The following DLGAP1 variants were observed in gnomAD, a reference collection of about 807,000 sequenced individuals.
DLGAP1 encodes DLG associated protein 1.
In DLGAP1, 11 loss-of-function variants were observed where a neutral mutation model predicts 90.8. The ratio of observed to expected loss-of-function variants is 0.12; its 90% confidence interval spans 0.08 to 0.20. The LOEUF (loss-of-function observed/expected upper bound fraction) is 0.20, where lower values mean the gene tolerates loss of function less well. Ranked by LOEUF, DLGAP1 falls within the 10% of genes least tolerant of loss-of-function variation. The pLI, the probability that DLGAP1 is intolerant of heterozygous loss-of-function variation, is 1.00. For missense variants in DLGAP1, 1,050 were observed against 1,333.8 expected, an observed-to-expected ratio of 0.79 and a Z score of 3.31; for synonymous variants, 558 against 540.7, an observed-to-expected ratio of 1.03 and a Z score of -0.44.
At position 3,742,375 on chromosome 18, in the gene DLGAP1, C is replaced by T; in HGVS notation, c.1310G>A (p.Arg437Lys). 1 of 1,614,130 alleles carries T rather than the reference C, an allele frequency of 6.2e-7. No individual in the cohort carries two copies. Among genetic ancestry groups the T allele is most frequent in the Non-Finnish European group, 8.5e-7 (1 of 1,180,014 alleles). Residue 437 changes from arginine (R) to lysine (K), a missense_variant, in exon 6 of 13, where the codon AGG becomes AAG. Arg to Lys is a conservative substitution (Grantham distance 26). Transcript: ENST00000315677. ...GLLTSPKFRSRNESYMRAMST... is the reference protein window; with the variant it reads ...GLLTSPKFRSKNESYMRAMST... ...CATGGCTCGCATGTAGCTCTCATTCCTGGAGCGGAACTTTGGTGATGTGAG... is the reference window on the plus strand; with the variant it reads ...CATGGCTCGCATGTAGCTCTCATTCTTGGAGCGGAACTTTGGTGATGTGAG...
At chr18:3,515,941 C>T (rs2050819405) in intron 10 of DLGAP1, among the ~76,000 whole-genome samples, 1 of 152,166 alleles carries the variant, frequency 6.6e-6, no homozygotes, top group African/African-American at 2.4e-5. Context: ...ACTTTCTTGG[C>T]TCATCCATAA....
intron 2 of DLGAP1, among the ~76,000 whole-genome samples, chr18:4,015,044 T>C (rs906308334): frequency 2.0e-5 from 3 of 152,168 alleles, no homozygotes; most frequent in African/African-American, 7.2e-5. Flanking sequence ...GCTCACCTTT[T>C]AGTGAAAGCT....
chr18:3,893,268 T>C (rs1040429457), intron 3 of DLGAP1, among the ~76,000 whole-genome samples: 4 of 152,116 alleles, frequency 2.6e-5, no homozygotes, highest in Non-Finnish European at 5.9e-5. Flanking sequence ...ATGGTGTATA[T>C]ATACCACATT....
intron 2 of DLGAP1, among the ~76,000 whole-genome samples, chr18:4,150,399 C>G (rs2076655522): frequency 6.6e-6 from 1 of 151,226 alleles, no homozygotes; most frequent in Admixed American, 6.6e-5. Context: ...GTTTTCTTTT[C>G]TTTTTTTTTG....
chr18:3,609,679 C>A (rs1311558085), intron 7 of DLGAP1, among the ~76,000 whole-genome samples: 1 of 151,970 alleles, frequency 6.6e-6, no homozygotes, highest in Non-Finnish European at 1.5e-5. Flanking sequence ...GAGTGTTCCA[C>A]TTACCCTGTG....
intron 7 of DLGAP1, among the ~76,000 whole-genome samples, chr18:3,674,284 C>T (rs2060205312): frequency 1.3e-5 from 1 of 75,172 alleles, no homozygotes; most frequent in Non-Finnish European, 2.5e-5. Context: ...GATCTTGTCT[C>T]TATAATATTA....
chr18:4,340,504 T>C (rs956657466), intron 1 of DLGAP1, among the ~76,000 whole-genome samples: 1 of 152,182 alleles, frequency 6.6e-6, no homozygotes, highest in African/African-American at 2.4e-5. Flanking sequence ...ACACTCTTAG[T>C]AACAGCAACA....
chr18:3,568,901 T>C (rs1393239907), intron 8 of DLGAP1, among the ~76,000 whole-genome samples: 1 of 151,794 alleles, frequency 6.6e-6, no homozygotes, highest in East Asian at 1.9e-4. Context: ...TTAGCCAGGA[T>C]GGTCTCGATC....
chr18:3,501,015 A>G (rs977778628), intron 12 of DLGAP1, among the ~76,000 whole-genome samples: 1 of 152,062 alleles, frequency 6.6e-6, no homozygotes, highest in African/African-American at 2.4e-5. Context: ...TCCGAGTTCA[A>G]GCAATCCTCC....
chr18:3,644,949 A>G (rs986131860), intron 7 of DLGAP1, among the ~76,000 whole-genome samples: 2 of 146,560 alleles, frequency 1.4e-5, no homozygotes, highest in Admixed American at 6.6e-5. Flanking sequence ...TCCTTTGGGT[A>G]AAAAAGGGGA....
At chr18:4,433,005 T>A (rs1030455836) in intron 1 of DLGAP1, among the ~76,000 whole-genome samples, 10 of 152,154 alleles carry the variant, frequency 6.6e-5, no homozygotes, top group Non-Finnish European at 1.2e-4. Flanking sequence ...CACCCTAGGA[T>A]ATAAATTTTT....
chr18:3,797,400 C>G (rs982351505), intron 5 of DLGAP1, among the ~76,000 whole-genome samples: 12 of 151,990 alleles, frequency 7.9e-5, no homozygotes, highest in Non-Finnish European at 1.0e-4. Flanking sequence ...GAGGAGGTGG[C>G]CCTATCTGCT....
intron 3 of DLGAP1, among the ~76,000 whole-genome samples, chr18:3,945,280 G>C (rs1234959929): frequency 2.6e-5 from 4 of 152,198 alleles, no homozygotes; most frequent in Non-Finnish European, 1.5e-5. Context: ...CTCCAACTGT[G>C]CCTAATAGTT....
chr18:4,009,807 T>G (rs1314569294), intron 2 of DLGAP1, among the ~76,000 whole-genome samples: 1 of 152,168 alleles, frequency 6.6e-6, no homozygotes, highest in Admixed American at 6.5e-5. Flanking sequence ...AATGGGAACC[T>G]TTAGGTGAAT....
At chr18:3,870,166 C>T (rs1194723599) in intron 4 of DLGAP1, among the ~76,000 whole-genome samples, 1 of 152,158 alleles carries the variant, frequency 6.6e-6, no homozygotes, top group Admixed American at 6.5e-5. Context: ...CATCCCATAT[C>T]TATGAAATCG....
chr18:4,233,520 T>C (rs183995245), intron 1 of DLGAP1, among the ~76,000 whole-genome samples: 154 of 152,274 alleles, frequency 1.0e-3, no homozygotes, highest in East Asian at 1.2e-3. Context: ...ATCAACATGA[T>C]TTATCACTGT....
intron 8 of DLGAP1, among the ~76,000 whole-genome samples, chr18:3,570,896 TC>T (rs201390349): frequency 0.068 from 9,921 of 145,912 alleles, 492 homozygotes; most frequent in African/African-American, 0.13. Context: ...GCCACTGCAC[TC>T]CAGCCTGAGT....
chr18:3,609,223 T>A (rs186326565), intron 7 of DLGAP1, among the ~76,000 whole-genome samples: 40 of 152,262 alleles, frequency 2.6e-4, no homozygotes, highest in Middle Eastern at 3.4e-3. Context: ...TTTAAACATT[T>A]TTTTGTAGAG....
At chr18:3,598,331 C>A (rs550874671) in intron 7 of DLGAP1, 1 of 151,940 alleles carries the variant, frequency 6.6e-6, no homozygotes, top group South Asian at 2.1e-4. Context: ...CCAGCCCAGG[C>A]GGTGGAGTGA....
Sources: allele counts gnomAD v4.1 joint callset (sites outside exome capture counted in the v4.1 genomes callset), GRCh38; gene constraint gnomAD v4.1.1; transcripts MANE v1.5; gene names NCBI Gene and HGNC (gene_info 2026-07-23, HGNC 2026-07-21).